The following B3GALT1 variants were observed in gnomAD, a reference collection of about 807,000 sequenced individuals.
B3GALT1 encodes the protein beta-1,3-galactosyltransferase 1, also known as UDP-Gal:betaGlcNAc beta 1,3-galactosyltransferase, polypeptide 1.
In B3GALT1, 10 loss-of-function variants were observed where a neutral mutation model predicts 23.2. The observed-to-expected ratio is 0.43, with a 90% CI of 0.27 to 0.73. The LOEUF (loss-of-function observed/expected upper bound fraction) is 0.73. Among genes scored for constraint, B3GALT1 ranks in the 30% least tolerant of loss-of-function variants. The pLI is 0.21. For missense variants in B3GALT1, 299 were observed against 405.4 expected, an observed-to-expected ratio of 0.74 and a Z score of 2.25; for synonymous variants, 156 against 141.5, an observed-to-expected ratio of 1.10 and a Z score of -0.73.
At position 167,565,289 on chromosome 2, in the gene B3GALT1, C is replaced by A. The variant is rs182191904; in HGVS notation, c.-410+75012C>A. 4.2e-3 allele frequency among the ~76,000 whole-genome samples: 634 copies of A among 152,202 alleles called. 5 individuals carry two copies. Among genetic ancestry groups the A allele is most frequent in the East Asian group, 0.016 (85 of 5,168 alleles). ...CCCTATTTAATAAATGGTGCTGGGA[C>A]AACTGGCTAGCCATATGTAGAAAGC... is the stretch of plus-strand genomic sequence containing the variant. On this transcript the variant is annotated intron_variant, in intron 2 of 4. Coordinates refer to ENST00000392690, the MANE Select transcript of B3GALT1 (RefSeq NM_020981.4).
At chr2:167,463,283 C>G (rs534378732) in intron 1 of B3GALT1, among the ~76,000 whole-genome samples, 5 of 152,224 alleles carry the variant, frequency 3.3e-5, no homozygotes, top group South Asian at 2.1e-4. Context: ...CTAGCAGTAT[C>G]AGGAACATAG....
chr2:167,513,837 A>G lies in B3GALT1; in HGVS notation c.-410+23560A>G, dbSNP rs149628613. ...ATGTACACTCTTCAGTTTTATTTTT[A>G]CTGCTGCTATAAACTTATCTACTTT... is the stretch of plus-strand genomic sequence containing the variant. On this transcript the variant is annotated intron_variant, in intron 2 of 4. Coordinates refer to ENST00000392690, the MANE Select transcript of B3GALT1 (RefSeq NM_020981.4). 3.0e-3 allele frequency among the ~76,000 whole-genome samples: 461 copies of G among 152,250 alleles called. 3 individuals carry two copies. The highest frequency in any genetic ancestry group is 0.011 in the African/African-American group (439 of 41,574).
intron 2 of B3GALT1, among the ~76,000 whole-genome samples, chr2:167,586,862 A>G (rs1279502787): frequency 6.6e-6 from 1 of 152,222 alleles, no homozygotes. Flanking sequence ...CTAAAACTCA[A>G]GAGAGTAACA....
At chr2:167,685,742 C>T (rs1686608443) in intron 3 of B3GALT1, among the ~76,000 whole-genome samples, 1 of 152,214 alleles carries the variant, frequency 6.6e-6, no homozygotes, top group Non-Finnish European at 1.5e-5. Flanking sequence ...CAGTGGAATA[C>T]TATCAGAGAA....
intron 1 of B3GALT1, among the ~76,000 whole-genome samples, chr2:167,440,366 A>T (rs1001131641): frequency 2.1e-5 from 3 of 145,564 alleles, no homozygotes; most frequent in African/African-American, 8.1e-5. Context: ...AAAAAAAAAG[A>T]AATAATTTAA....
At chr2:167,643,968 G>A (rs1358404234) in intron 2 of B3GALT1, among the ~76,000 whole-genome samples, 1 of 152,146 alleles carries the variant, frequency 6.6e-6, no homozygotes, top group African/African-American at 2.4e-5. Context: ...TGTTTAGACA[G>A]TGTCAATGTC....
chr2:167,391,580 A>G (rs1698014895), intron 1 of B3GALT1, among the ~76,000 whole-genome samples: 1 of 152,232 alleles, frequency 6.6e-6, no homozygotes, highest in South Asian at 2.1e-4. Context: ...AGCTCCATGT[A>G]GATTTACCTG....
intron 1 of B3GALT1, among the ~76,000 whole-genome samples, chr2:167,473,580 C>G (rs190591913): frequency 1.2e-4 from 18 of 152,192 alleles, no homozygotes; most frequent in Non-Finnish European, 2.4e-4. Flanking sequence ...CCAGACTCCC[C>G]CTGCCACCTG....
At chr2:167,701,010 G>A (rs1008081222) in intron 3 of B3GALT1, among the ~76,000 whole-genome samples, 6 of 152,196 alleles carry the variant, frequency 3.9e-5, no homozygotes, top group Admixed American at 1.3e-4. Context: ...ACCATGTACC[G>A]TGGATTGTGC....
chr2:167,703,800 C>A (rs1558953799), intron 3 of B3GALT1, among the ~76,000 whole-genome samples: 1 of 152,186 alleles, frequency 6.6e-6, no homozygotes, highest in East Asian at 1.9e-4. Flanking sequence ...TAGAGCAATA[C>A]AAAATAAAAT....
intron 3 of B3GALT1, among the ~76,000 whole-genome samples, chr2:167,726,523 T>A (rs769983446): frequency 1.3e-5 from 2 of 152,216 alleles, no homozygotes; most frequent in Admixed American, 6.5e-5. Flanking sequence ...ATTTTAGACT[T>A]GGAATGTGAC....
chr2:167,682,889 A>G (rs938321935), intron 3 of B3GALT1, among the ~76,000 whole-genome samples: 2 of 152,268 alleles, frequency 1.3e-5, no homozygotes, highest in African/African-American at 4.8e-5. Context: ...ATTTGATAAA[A>G]TTAGAAATCT....
At chr2:167,496,498 G>C (rs969772877) in intron 2 of B3GALT1, among the ~76,000 whole-genome samples, 3 of 152,186 alleles carry the variant, frequency 2.0e-5, no homozygotes, top group Admixed American at 6.5e-5. Context: ...GCAGTGAAAA[G>C]AGAAAGAAGG....
intron 1 of B3GALT1, among the ~76,000 whole-genome samples, chr2:167,344,810 A>C (rs1697204211): frequency 6.6e-6 from 1 of 152,188 alleles, no homozygotes; most frequent in African/African-American, 2.4e-5. Flanking sequence ...AAAATAATTC[A>C]AGACCACATT....
intron 1 of B3GALT1, among the ~76,000 whole-genome samples, chr2:167,339,284 A>G (rs2105246174): frequency 6.6e-6 from 1 of 152,316 alleles, no homozygotes; most frequent in Non-Finnish European, 1.5e-5. Context: ...TTGAATTTTT[A>G]AAAAGCAAGT....
At chr2:167,333,968 T>C (rs1697016854) in intron 1 of B3GALT1, among the ~76,000 whole-genome samples, 1 of 152,168 alleles carries the variant, frequency 6.6e-6, no homozygotes, top group South Asian at 2.1e-4. Flanking sequence ...AACTTTGCAC[T>C]TTTTGTGTCA....
chr2:167,592,307 C>T (rs1684699525), intron 2 of B3GALT1, among the ~76,000 whole-genome samples: 1 of 152,304 alleles, frequency 6.6e-6, no homozygotes, highest in Non-Finnish European at 1.5e-5. Flanking sequence ...TTTCCATGGT[C>T]AGTCAACCTT....
intron 2 of B3GALT1, among the ~76,000 whole-genome samples, chr2:167,627,009 A>G (rs1685358667): frequency 6.6e-6 from 1 of 151,690 alleles, no homozygotes; most frequent in Non-Finnish European, 1.5e-5. Flanking sequence ...ATATCTGCCT[A>G]GATGAATGCT....
chr2:167,489,497 A>G (rs1699674797), intron 1 of B3GALT1, among the ~76,000 whole-genome samples: 1 of 152,216 alleles, frequency 6.6e-6, no homozygotes, highest in Non-Finnish European at 1.5e-5. Context: ...TCATTGAATT[A>G]GAACAGTCTG....
Sources: allele counts gnomAD v4.1 joint callset (sites outside exome capture counted in the v4.1 genomes callset), GRCh38; gene constraint gnomAD v4.1.1; transcripts MANE v1.5; gene names NCBI Gene and HGNC (gene_info 2026-07-23, HGNC 2026-07-21).